The following DKK4 variants were observed in gnomAD, a reference collection of about 807,000 sequenced individuals.
DKK4 encodes the protein dickkopf Wnt signaling pathway inhibitor 4, also known as dickkopf-related protein 4.
A neutral mutation model predicts 14.5 loss-of-function variants in DKK4; 15 were observed. The observed-to-expected ratio is 1.03, with a 90% CI of 0.69 to 1.59. The LOEUF (loss-of-function observed/expected upper bound fraction) is 1.59. DKK4 is among the 40% of genes most tolerant of loss of function. DKK4 has a pLI of 0.00. For missense variants in DKK4, 272 were observed against 280.3 expected (o/e 0.97, Z 0.21); for synonymous variants, 89 against 105.2 (o/e 0.85, Z 0.94).
upstream of DKK4, among the ~76,000 whole-genome samples, chr8:42,379,714 G>A (rs1288662853): frequency 6.6e-6 from 1 of 152,098 alleles, no homozygotes; most frequent in Non-Finnish European, 1.5e-5. Context: ...GGAAGTCGGA[G>A]ATATCCTCAC....
upstream of DKK4, among the ~76,000 whole-genome samples, chr8:42,379,706 A>G (rs1824636721): frequency 6.6e-6 from 1 of 152,006 alleles, no homozygotes; most frequent in African/African-American, 2.4e-5. Context: ...CTAAGTTGGG[A>G]AGTCGGAGAT....
upstream of DKK4, among the ~76,000 whole-genome samples, chr8:42,379,428 A>AGAGAG (rs1563415812): frequency 1.3e-5 from 1 of 77,742 alleles, no homozygotes; most frequent in African/African-American, 4.8e-5. Flanking sequence ...GAGAGAGAGA[A>AGAGAG]AGATTCAGAC....
At chr8:42,390,187 C>G in the DKK4 span, among the ~76,000 whole-genome samples, 1 of 152,112 alleles carries the variant, frequency 6.6e-6, no homozygotes, top group Non-Finnish European at 1.5e-5. Context: ...AGCCACCGCG[C>G]CCGGGGCCCC....
At chr8:42,377,830 G>C (rs947840997), upstream of DKK4, among the ~76,000 whole-genome samples, 2 of 152,172 alleles carry the variant, frequency 1.3e-5, no homozygotes, top group African/African-American at 4.8e-5. Context: ...AATGAAAATT[G>C]AACTGTTTGA....
At chr8:42,388,370 C>T in the DKK4 span, among the ~76,000 whole-genome samples, 5 of 152,018 alleles carry the variant, frequency 3.3e-5, no homozygotes, top group African/African-American at 1.2e-4. Context: ...GCTGGTACTA[C>T]AGGCATGTGC....
At chr8:42,390,649 C>T in the DKK4 span, among the ~76,000 whole-genome samples, 5 of 152,168 alleles carry the variant, frequency 3.3e-5, no homozygotes, top group Non-Finnish European at 7.3e-5. Flanking sequence ...AGGCTGCTTC[C>T]TTTAACCTAG....
Position 42,377,005 on chromosome 8 carries a change from G to A in DKK4, c.41C>T (p.Ser14Phe), listed in dbSNP as rs1186544540. Residue 14 changes from serine (S) to phenylalanine (F), a missense_variant, in exon 1 of 4, where the codon TCT (serine) becomes TTT (phenylalanine). Ser to Phe is a radical substitution (Grantham distance 155). Transcript: ENST00000220812. ...GTCCAGGACCAGAGCTCCCAGGGGA[G>A]AGCAGAGCCAGCTCAGCCCCAGCAG... ...AVLLGLSWLC[S>F]PLGALVLDFN... The A allele has an allele frequency of 6.2e-7, 1 of 1,613,596 alleles. No individual in the cohort carries two copies. The highest frequency in any genetic ancestry group is 8.5e-7 in the Non-Finnish European group (1 of 1,180,016).
At position 42,374,839 on chromosome 8, in the gene DKK4, C is replaced by T. The variant is rs1179469409; in HGVS notation, c.337G>A (p.Glu113Lys). Residue 113 changes from glutamate to lysine, a missense_variant, in exon 3 of 4, where the codon GAA (glutamate) becomes AAA (lysine). Glu to Lys is a moderately conservative substitution (Grantham distance 56). Transcript: ENST00000220812. ...TGGACTGGGTGCCCAGTTGTTCCTT[C>T]TGCATGTGTGCCATCTTGCTCATCA... The part of the protein sequence containing the change: ...QLDEQDGTHA[E>K]GTTGHPVQEN... 2 of 1,614,216 alleles carry T rather than the reference C, an allele frequency of 1.2e-6. No homozygotes were observed. The highest frequency in any genetic ancestry group is 8.5e-7 in the Non-Finnish European group (1 of 1,180,044).
Position 42,375,691 on chromosome 8 carries a change from A to G in DKK4, c.251T>C (p.Leu84Pro), listed in dbSNP as rs1265513759. The G allele has an allele frequency of 6.2e-7, 1 of 1,613,350 alleles. No individual in the cohort carries two copies. The highest frequency in any genetic ancestry group is 8.5e-7 in the Non-Finnish European group (1 of 1,180,030). The stretch of plus-strand genomic sequence containing the variant: ...GTTATGTCGCTCACCGTTCACACAG[A>G]GTGTCCCAGGGCAGCACATGGCATC... ...QRDAMCCPGT[L>P]CVNDVCTTME... The change falls in exon 2 of 4, where the codon CTC becomes CCC. Residue 84 changes from leucine (L) to proline (P), a missense_variant. Coordinates refer to ENST00000220812, the MANE Select transcript of DKK4 (RefSeq NM_014420.3).
chr8:42,377,407 G>A (rs1824585938), upstream of DKK4, among the ~76,000 whole-genome samples: 1 of 152,140 alleles, frequency 6.6e-6, no homozygotes, highest in Non-Finnish European at 1.5e-5. Context: ...TCTCCTCCAG[G>A]GGTTCAATCC....
Position 42,376,915 on chromosome 8 carries a change from CCCCT to C in DKK4, c.111+16_111+19del, listed in dbSNP as rs1313438259. The C allele has an allele frequency of 1.9e-6, 3 of 1,605,178 alleles. No homozygotes were observed. The East Asian group carries it at 6.7e-5, about 36-fold the overall frequency. On this transcript the variant is annotated intron_variant, in intron 1 of 3. Coordinates refer to ENST00000220812, the MANE Select transcript of DKK4 (RefSeq NM_014420.3). ...GCTGTCAGCAGTCCCGTACCTCGCCCCCCTCCCTAGCAGCCTTACCTTCCGGGCC... is the reference window on the plus strand; with the variant it reads ...GCTGTCAGCAGTCCCGTACCTCGCCCCCCTAGCAGCCTTACCTTCCGGGCC...
At position 42,374,142 on chromosome 8, in the gene DKK4, C is replaced by T; in HGVS notation, c.633G>A (p.Gln211=). ...TTTGGCATACTCTTAATCGAGCATG[C>T]TGCCGATTGCTGGTCAATTGGCTTC... The part of the protein sequence containing the change: ...LCRSQLTSNR[Q]HARLRVCQKI... The change falls in exon 4 of 4, where the codon CAG becomes CAA. Residue 211 remains glutamine, a synonymous_variant. Transcript: ENST00000220812. The T allele has an allele frequency of 1.9e-6, 3 of 1,612,850 alleles. No homozygotes were observed. Among genetic ancestry groups the T allele is most frequent in the Non-Finnish European group, 2.5e-6 (3 of 1,179,964 alleles).
chr8:42,377,741 A>G (rs796199740), upstream of DKK4, among the ~76,000 whole-genome samples: 16 of 152,364 alleles, frequency 1.1e-4, no homozygotes, highest in African/African-American at 3.8e-4. Flanking sequence ...CCAGATGTCA[A>G]AATCCCAACC....
At chr8:42,384,634 T>C in the DKK4 span, among the ~76,000 whole-genome samples, 1 of 152,016 alleles carries the variant, frequency 6.6e-6, no homozygotes, top group African/African-American at 2.4e-5. Context: ...CTGAAGCCTC[T>C]CTCTTGGGGG....
At chr8:42,375,532 A>T in intron 2 of DKK4, 148 bp downstream of exon 2, 1 of 1,064,900 alleles carries the variant, frequency 9.4e-7, no homozygotes, top group Non-Finnish European at 1.3e-6. Flanking sequence ...AAAAAAAAAA[A>T]AGGAAAAGAA....
At chr8:42,384,297 C>A in the DKK4 span, among the ~76,000 whole-genome samples, 1 of 152,170 alleles carries the variant, frequency 6.6e-6, no homozygotes, top group Non-Finnish European at 1.5e-5. Context: ...GTGCATGCCA[C>A]CGCAACAGCT....
chr8:42,375,712 G>A lies in DKK4; in HGVS notation c.230C>T (p.Ala77Val), dbSNP rs561931135. ...ACAGAGTGTCCCAGGGCAGCACATG[G>A]CATCTCGCTGGCACCTCCTCCGCAA... ...RGLRRRCQRD[A>V]MCCPGTLCVN... is the part of the protein sequence containing the mutation. The change falls in exon 2 of 4, where the codon GCC becomes GTC. Residue 77 changes from alanine to valine, a missense_variant. Ala to Val is a moderately conservative substitution (Grantham distance 64). Transcript: ENST00000220812. The A allele has an allele frequency of 3.0e-5, 49 of 1,613,758 alleles. No homozygotes were observed. The South Asian group carries it at 4.3e-4, about 14-fold the overall frequency.
chr8:42,378,636 G>A (rs560533961), upstream of DKK4, among the ~76,000 whole-genome samples: 39 of 152,154 alleles, frequency 2.6e-4, 1 homozygote, highest in African/African-American at 9.2e-4. Context: ...TCTCTGCCGG[G>A]TTTCTCTGCT....
intron 2 of DKK4, 130 bp from the exon 3 acceptor site, chr8:42,375,043 C>G: frequency 1.1e-6 from 1 of 891,518 alleles, no homozygotes; most frequent in Admixed American, 2.7e-5. Flanking sequence ...TTCTAGATTT[C>G]TGGAACATGT....
Sources: gnomAD v4.1 joint callset for allele counts (sites outside exome capture counted in the v4.1 genomes callset) on GRCh38, gnomAD v4.1.1 for gene constraint, MANE v1.5 for transcripts, NCBI Gene and HGNC (gene_info 2026-07-23, HGNC 2026-07-21) for gene names.